The following TRAM2 variants were observed in gnomAD, a reference collection of about 807,000 sequenced individuals.
TRAM2 encodes the protein translocating chain-associated membrane protein 2.
In TRAM2, 12 loss-of-function variants were observed where a neutral mutation model predicts 51.0. That is an observed-to-expected ratio of 0.24 (90% CI 0.15 to 0.38). TRAM2 has a LOEUF of 0.38. TRAM2 is among the 10% of genes least tolerant of loss of function. TRAM2 has a pLI of 1.00. For synonymous variants in TRAM2, 175 were observed against 179.4 expected (o/e 0.98, Z 0.20); for missense variants, 361 against 462.0 (o/e 0.78, Z 2.00).
In TRAM2 at chr6:52,508,363, G is replaced by A. The variant is rs1446314772; in HGVS notation, c.471-45C>T. ...TCACACGGGCAGGATAGAGAAAAGT[G>A]TCCCTGCAGGTGCTGGCCAAGCACA... On this transcript the variant is annotated intron_variant, in intron 5 of 10. Coordinates refer to ENST00000182527, the MANE Select transcript of TRAM2 (RefSeq NM_012288.4). The A allele has an allele frequency of 3.2e-6, 5 of 1,574,178 alleles. No individual in the cohort carries two copies. The South Asian group carries it at 3.3e-5, about 11-fold the overall frequency.
intron 4 of TRAM2, among the ~76,000 whole-genome samples, chr6:52,512,810 C>G (rs542831861): frequency 1.6e-3 from 242 of 152,266 alleles, no homozygotes; most frequent in African/African-American, 5.6e-3. Flanking sequence ...TCAGACATAC[C>G]TTATATTATT....
Position 52,543,001 on chromosome 6 carries a change from C to T in TRAM2, c.121-7155G>A, listed in dbSNP as rs77340651. Among the ~76,000 whole-genome samples the T allele has an allele frequency of 3.8e-3, 583 of 152,308 alleles. 5 individuals carry two copies. Among genetic ancestry groups the T allele is most frequent in the African/African-American group, 0.013 (557 of 41,544 alleles). On this transcript the variant is annotated intron_variant, in intron 1 of 10. Transcript: ENST00000182527. ...AAGCCCTTCCCCACTGCCTTTATAT[C>T]CACAAGTTAATTATAACTTTAAGAA... is the stretch of plus-strand genomic sequence containing the variant.
chr6:52,521,371 A>T (rs1272788009), intron 2 of TRAM2, among the ~76,000 whole-genome samples: 3 of 151,414 alleles, frequency 2.0e-5, no homozygotes, highest in African/African-American at 4.9e-5. Flanking sequence ...TTTCTTTTTA[A>T]ATTTTGGTTG....
intron 2 of TRAM2, chr6:52,524,649 C>A (rs1312322076): frequency 5.9e-5 from 9 of 152,206 alleles, no homozygotes; most frequent in Non-Finnish European, 1.2e-4. Flanking sequence ...TATACTTGAA[C>A]TGTGTGAATG....
At chr6:52,543,601 G>C (rs749655764) in intron 1 of TRAM2, among the ~76,000 whole-genome samples, 3 of 152,220 alleles carry the variant, frequency 2.0e-5, no homozygotes, top group Non-Finnish European at 4.4e-5. Flanking sequence ...GGAGAGTTCA[G>C]ATTAGGTAAT....
intron 2 of TRAM2, among the ~76,000 whole-genome samples, chr6:52,526,953 T>C (rs954437406): frequency 2.0e-5 from 3 of 152,076 alleles, no homozygotes; most frequent in African/African-American, 7.2e-5. Context: ...AAAAATAATC[T>C]CTCAAGAATC....
chr6:52,568,949 C>A (rs62405878), intron 1 of TRAM2, among the ~76,000 whole-genome samples: 1 of 152,142 alleles, frequency 6.6e-6, no homozygotes, highest in South Asian at 2.1e-4. Flanking sequence ...ACCAGAGGTA[C>A]AATCATCAGC....
In TRAM2 at chr6:52,501,416, A is replaced by G. The variant is rs1215261073; in HGVS notation, c.*1781T>C. ...GAAAAGACCCATTTCCCCCCTTTTG[A>G]ATCTAAATCCAAGGTTTGGTTTCTA... On this transcript the variant is annotated 3_prime_UTR_variant, in exon 11 of 11. Transcript: ENST00000182527. 1 of 152,168 alleles carries G rather than the reference A, an allele frequency of 6.6e-6. No individual in the cohort carries two copies. The highest frequency in any genetic ancestry group is 1.5e-5 in the Non-Finnish European group (1 of 68,034). The allele number at this position is 152,168 out of a possible 1,614,324, so 9.4% of individuals were successfully genotyped here. A position where few individuals can be genotyped will look rare whatever the true frequency, so the allele number is the denominator to read the frequency against.
rs998449860 is a variant in TRAM2, at chr6:52,504,823, G to C, written c.876-69C>G. 4.8e-6 allele frequency: 7 copies of C among 1,455,822 alleles called. No homozygotes were observed. In the African/African-American group the frequency reaches 9.8e-5, roughly 20 times the overall value. The allele number at this position is 1,455,822 out of a possible 1,614,324, so 90.2% of individuals were successfully genotyped here. A position where few individuals can be genotyped will look rare whatever the true frequency, so the allele number is the denominator to read the frequency against. ...ACAGCCTTGGGCTGGGTTGTGCAGG[G>C]GAGAACAAGGGCCAGGGGCCCTGCA... On this transcript the variant is annotated intron_variant, in intron 9 of 10. Coordinates refer to ENST00000182527, the MANE Select transcript of TRAM2 (RefSeq NM_012288.4).
intron 1 of TRAM2, among the ~76,000 whole-genome samples, chr6:52,550,061 T>C (rs776115061): frequency 7.9e-5 from 12 of 152,170 alleles, no homozygotes; most frequent in Non-Finnish European, 1.6e-4. Flanking sequence ...TCCTACCCTG[T>C]GTCCCAGAAC....
At chr6:52,559,040 G>A (rs1767455086) in intron 1 of TRAM2, among the ~76,000 whole-genome samples, 1 of 152,150 alleles carries the variant, frequency 6.6e-6, no homozygotes, top group Admixed American at 6.5e-5. Context: ...TCACAAAGTG[G>A]GATCTGTGGA....
rs1003918157 is a variant in TRAM2 at position 52,498,873 on chromosome 6, GT to G, written c.*4323del. 1 of 152,596 alleles carries G rather than the reference GT, an allele frequency of 6.6e-6. No individual in the cohort carries two copies. The highest frequency in any genetic ancestry group is 2.4e-5 in the African/African-American group (1 of 41,418). The allele number at this position is 152,596 out of a possible 1,614,324, so 9.5% of individuals were successfully genotyped here. On this transcript the variant is annotated 3_prime_UTR_variant, in exon 11 of 11. Transcript: ENST00000182527. ...TACAAGTTGAAAACCACACAGCAAA[GT>G]AAGGCACTTATTCTCACACACAGGC...
chr6:52,498,991 T>C lies in TRAM2; in HGVS notation c.*4206A>G, dbSNP rs1372097603. 6.6e-6 allele frequency: 1 copy of C among 152,456 alleles called. No individual in the cohort carries two copies. The highest frequency in any genetic ancestry group is 1.5e-5 in the Non-Finnish European group (1 of 68,038). The allele number at this position is 152,456 out of a possible 1,614,324, so 9.4% of individuals were successfully genotyped here. On this transcript the variant is annotated 3_prime_UTR_variant, in exon 11 of 11. Coordinates refer to ENST00000182527, the MANE Select transcript of TRAM2 (RefSeq NM_012288.4). ...GACTGCAAATCCCAATGCTCGTCTTTATAGCTCTGCCACTCCAGGGAACTC... is the reference window on the plus strand; with the variant it reads ...GACTGCAAATCCCAATGCTCGTCTTCATAGCTCTGCCACTCCAGGGAACTC...
intron 1 of TRAM2, among the ~76,000 whole-genome samples, chr6:52,545,466 G>A (rs80210580): frequency 0.2 from 31,165 of 152,150 alleles, 4,035 homozygotes; most frequent in Non-Finnish European, 0.29. Context: ...AAATCACAGG[G>A]TAAGAGCATA....
chr6:52,500,845 C>T lies in TRAM2; in HGVS notation c.*2352G>A, dbSNP rs1766205697. 6.6e-6 allele frequency: 1 copy of T among 152,298 alleles called. No individual in the cohort carries two copies. Among genetic ancestry groups the T allele is most frequent in the Non-Finnish European group, 1.5e-5 (1 of 68,096 alleles). The allele number at this position is 152,298 out of a possible 1,614,324, so 9.4% of individuals were successfully genotyped here. ...ACCTGGCACATCCCAGCATGCCATA[C>T]ATATCTGTTGAAGCCACAACTCAAC... is the stretch of plus-strand genomic sequence containing the variant. On this transcript the variant is annotated 3_prime_UTR_variant, in exon 11 of 11. Coordinates refer to ENST00000182527, the MANE Select transcript of TRAM2 (RefSeq NM_012288.4).
At position 52,500,569 on chromosome 6, in the gene TRAM2, C is replaced by T. The variant is rs1331834644; in HGVS notation, c.*2628G>A. The T allele has an allele frequency of 6.6e-6, 1 of 151,434 alleles. No individual in the cohort carries two copies. Among genetic ancestry groups the T allele is most frequent in the Non-Finnish European group, 1.5e-5 (1 of 67,930 alleles). The allele number at this position is 151,434 out of a possible 1,614,324, so 9.4% of individuals were successfully genotyped here. The stretch of plus-strand genomic sequence containing the variant: ...TTACATAAAATAAACCCTTAGCACA[C>T]CCGTCCACTGGGAAGCAGAGCCTAA... On this transcript the variant is annotated 3_prime_UTR_variant, in exon 11 of 11. Transcript: ENST00000182527.
At chr6:52,555,704 T>A (rs1191018664) in intron 1 of TRAM2, among the ~76,000 whole-genome samples, 2 of 152,242 alleles carry the variant, frequency 1.3e-5, no homozygotes, top group Admixed American at 6.5e-5. Context: ...CCCTTACTGG[T>A]AGGCATTTAG....
At chr6:52,560,391 A>G (rs7744675) in intron 1 of TRAM2, among the ~76,000 whole-genome samples, 121,719 of 152,154 alleles carry the variant, frequency 0.8, 48,822 homozygotes, top group East Asian at 0.94. Flanking sequence ...ATAAACATAA[A>G]GTTTCTTTAA....
intron 1 of TRAM2, among the ~76,000 whole-genome samples, chr6:52,539,442 A>G (rs1767037505): frequency 6.6e-6 from 1 of 152,200 alleles, no homozygotes; most frequent in Non-Finnish European, 1.5e-5. Context: ...CACAAATAAT[A>G]AGGATCAAAC....
Sources: gnomAD v4.1 joint callset for allele counts (sites outside exome capture counted in the v4.1 genomes callset) on GRCh38, gnomAD v4.1.1 for gene constraint, MANE v1.5 for transcripts, NCBI Gene and HGNC (gene_info 2026-07-23, HGNC 2026-07-21) for gene names.